Variants in CPSF4 observed in about 807,000 individuals in gnomAD.
The protein encoded by CPSF4 is cleavage and polyadenylation specific factor 4.
Under a neutral mutation model 37.7 loss-of-function variants are expected in CPSF4, and 11 were observed. The observed-to-expected ratio is 0.29, with a 90% CI of 0.18 to 0.48. CPSF4 has a LOEUF of 0.48. Among genes scored for constraint, CPSF4 ranks in the 20% least tolerant of loss-of-function variants. CPSF4 has a pLI of 0.99. For missense variants in CPSF4, 144 were observed against 359.5 expected (o/e 0.40, Z 4.85); for synonymous variants, 132 against 135.9 (o/e 0.97, Z 0.20).
At chr7:99,440,674 A>ATATATGTTTTTTTTTT in intron 1 of CPSF4, among the ~76,000 whole-genome samples, 8 of 88,088 alleles carry the variant, frequency 9.1e-5, no homozygotes, top group South Asian at 4.3e-4. Flanking sequence ...ATATATATAT[A>ATATATGTTTTTTTTTT]TTTTTTTTTT....
intron 2 of CPSF4, among the ~76,000 whole-genome samples, chr7:99,446,395 C>T (rs1276244515): frequency 6.6e-6 from 1 of 152,178 alleles, no homozygotes; most frequent in African/African-American, 2.4e-5. Flanking sequence ...GCTCAGTAGT[C>T]ACATGGGGCT....
At position 99,451,411 on chromosome 7, in the gene CPSF4, C is replaced by T. The variant is rs1477227078; in HGVS notation, c.497+616C>T. Among the ~76,000 whole-genome samples the T allele has an allele frequency of 2.6e-5, 4 of 152,162 alleles. No homozygotes were observed. In the South Asian group the frequency reaches 8.3e-4, roughly 32 times the overall value. On this transcript the variant is annotated intron_variant, in intron 5 of 7. Coordinates refer to ENST00000292476, the MANE Select transcript of CPSF4 (RefSeq NM_006693.4). The stretch of plus-strand genomic sequence containing the variant: ...CACGAGGTCAGGAGTTCGAGACTAG[C>T]CTGGCCAATATGGTGAAACCCCGTC...
At chr7:99,444,717 CCACT>C (rs1423773732) in intron 1 of CPSF4, 68 bp from the exon 2 acceptor site, 6 of 1,440,886 alleles carry the variant, frequency 4.2e-6, no homozygotes, top group African/African-American at 2.8e-5. Context: ...GGGTTCCCTC[CCACT>C]GTCTTCAGAC....
chr7:99,445,608 GCGTGGTGGCTTA>G (rs1163391435), intron 2 of CPSF4, among the ~76,000 whole-genome samples: 1 of 152,186 alleles, frequency 6.6e-6, no homozygotes, highest in African/African-American at 2.4e-5. Flanking sequence ...TAGGGGTCAG[GCGTGGTGGCTTA>G]CGCCTGTAAT....
intron 1 of CPSF4, among the ~76,000 whole-genome samples, chr7:99,443,735 A>G (rs775677978): frequency 6.6e-6 from 1 of 152,104 alleles, no homozygotes; most frequent in Non-Finnish European, 1.5e-5. Flanking sequence ...CCTGGCCAAC[A>G]TGGCAAAACC....
In CPSF4 at chr7:99,448,302, G is replaced by C; in HGVS notation, c.307+29G>C. On this transcript the variant is annotated intron_variant, in intron 3 of 7. Coordinates refer to ENST00000292476, the MANE Select transcript of CPSF4 (RefSeq NM_006693.4). This position sits in a 1 kb window ranked among gnomAD's most constrained non-coding sequence, Gnocchi z 4.4. ...AGGCGCCTGGAGCCCTGGAGGCTCT[G>C]CTGAGAACCAGGGTGCAGAGGGGTC... 1 of 1,612,574 alleles carries C rather than the reference G, an allele frequency of 6.2e-7. No individual in the cohort carries two copies. Among genetic ancestry groups the C allele is most frequent in the Non-Finnish European group, 8.5e-7 (1 of 1,179,222 alleles).
chr7:99,456,247 C>T (rs1040447913), intron 7 of CPSF4, 185 bp from the exon 8 acceptor site: 5 of 624,540 alleles, frequency 8.0e-6, no homozygotes, highest in Non-Finnish European at 1.4e-5. Flanking sequence ...CTGCACTTTC[C>T]ATCCTGAGCT....
At position 99,448,457 on chromosome 7, in the gene CPSF4, C is replaced by T. The variant is rs1275996433; in HGVS notation, c.307+184C>T. ...GACAGTGTGGCTATTTTCTGCTCAT[C>T]TCTTTTTTTTTTTTTTTTTTTTTAA... is the stretch of plus-strand genomic sequence containing the variant. On this transcript the variant is annotated intron_variant, in intron 3 of 7. Coordinates refer to ENST00000292476, the MANE Select transcript of CPSF4 (RefSeq NM_006693.4). This position sits in a 1 kb window ranked among gnomAD's most constrained non-coding sequence, Gnocchi z 4.4. 4 of 445,702 alleles carry T rather than the reference C, an allele frequency of 9.0e-6. No homozygotes were observed. Among genetic ancestry groups the T allele is most frequent in the Non-Finnish European group, 1.2e-5 (3 of 253,992 alleles). The allele number at this position is 445,702 out of a possible 1,614,324, so 27.6% of individuals were successfully genotyped here.
chr7:99,448,417 A>G lies in CPSF4; in HGVS notation c.307+144A>G. On this transcript the variant is annotated intron_variant, in intron 3 of 7. Coordinates refer to ENST00000292476, the MANE Select transcript of CPSF4 (RefSeq NM_006693.4). This position sits in a 1 kb window ranked among gnomAD's most constrained non-coding sequence, Gnocchi z 4.4. ...AACTCTGGCAGAACCTGCCAGCCTC[A>G]GCCAGCTTTTAGGGGACAGTGTGGC... 1.2e-6 allele frequency: 1 copy of G among 827,898 alleles called. No homozygotes were observed. Among genetic ancestry groups the G allele is most frequent in the Non-Finnish European group, 1.8e-6 (1 of 558,390 alleles). 51.3% of individuals were successfully genotyped at this position (827,898 alleles called of 1,614,324 possible).
In CPSF4 at chr7:99,450,170, G is replaced by A. The variant is rs533655442; in HGVS notation, c.308-106G>A. The A allele has an allele frequency of 6.3e-6, 5 of 787,512 alleles. No homozygotes were observed. In the East Asian group the frequency reaches 1.3e-4, roughly 21 times the overall value. The allele number at this position is 787,512 out of a possible 1,614,324, so 48.8% of individuals were successfully genotyped here. A position where few individuals can be genotyped will look rare whatever the true frequency, so the allele number is the denominator to read the frequency against. ...GAAACACTCTTCCCTGGCTCTCAGGGCTCGTCAGGCCAAAACTGGACACCA... is the reference window on the plus strand; with the variant it reads ...GAAACACTCTTCCCTGGCTCTCAGGACTCGTCAGGCCAAAACTGGACACCA... On this transcript the variant is annotated intron_variant, in intron 3 of 7. Coordinates refer to ENST00000292476, the MANE Select transcript of CPSF4 (RefSeq NM_006693.4).
Position 99,453,853 on chromosome 7 carries a change from C to A in CPSF4, c.571-113C>A, listed in dbSNP as rs1454057487. ...GTCCTGAGGTGGGCCGTCGTGGAAG[C>A]CCTGCTTCCTGCCGTTTGCGGGACG... On this transcript the variant is annotated intron_variant, in intron 6 of 7. Transcript: ENST00000292476. The surrounding 1 kb of genome is among the most constrained non-coding windows in gnomAD (Gnocchi z 4.7). 2 of 988,692 alleles carry A rather than the reference C, an allele frequency of 2.0e-6. No individual in the cohort carries two copies. Among genetic ancestry groups the A allele is most frequent in the Admixed American group, 2.1e-5 (1 of 47,302 alleles). 61.2% of individuals were successfully genotyped at this position (988,692 alleles called of 1,614,324 possible).
In CPSF4 at chr7:99,448,097, A is replaced by T. The variant is rs950695953; in HGVS notation, c.155-24A>T. ...GGCTCAGGGTGGCCTCTCTGCTGAC[A>T]CCCTGTCCCTATCTTGCCGGCAGGG... is the stretch of plus-strand genomic sequence containing the variant. On this transcript the variant is annotated intron_variant, in intron 2 of 7. Transcript: ENST00000292476. The surrounding 1 kb of genome is among the most constrained non-coding windows in gnomAD (Gnocchi z 4.4). The T allele has an allele frequency of 1.9e-6, 3 of 1,612,156 alleles. No individual in the cohort carries two copies. Among genetic ancestry groups the T allele is most frequent in the Non-Finnish European group, 2.5e-6 (3 of 1,179,176 alleles).
At position 99,448,451 on chromosome 7, in the gene CPSF4, G is replaced by T; in HGVS notation, c.307+178G>T. ...TTAGGGGACAGTGTGGCTATTTTCT[G>T]CTCATCTCTTTTTTTTTTTTTTTTT... On this transcript the variant is annotated intron_variant, in intron 3 of 7. Transcript: ENST00000292476. The surrounding 1 kb of genome is among the most constrained non-coding windows in gnomAD (Gnocchi z 4.4). The T allele has an allele frequency of 3.0e-5, 15 of 506,844 alleles. No homozygotes were observed. The highest frequency in any genetic ancestry group is 5.3e-4 in the Middle Eastern group (1 of 1,886). 31.4% of individuals were successfully genotyped at this position (506,844 alleles called of 1,614,324 possible).
At chr7:99,447,998 G>A in intron 2 of CPSF4, 123 bp from the exon 3 acceptor site, 1 of 878,420 alleles carries the variant, frequency 1.1e-6, no homozygotes, top group Non-Finnish European at 1.8e-6. Flanking sequence ...CCCCTTTCCA[G>A]GACGTGATGC....
At chr7:99,452,507 C>T in intron 6 of CPSF4, 67 bp downstream of exon 6, 1 of 1,429,408 alleles carries the variant, frequency 7.0e-7, no homozygotes, top group Non-Finnish European at 9.9e-7. Flanking sequence ...TCAGTGTCCC[C>T]CAGGGGTGTG....
intron 2 of CPSF4, among the ~76,000 whole-genome samples, chr7:99,445,652 G>C (rs989343050): frequency 9.2e-5 from 14 of 152,194 alleles, no homozygotes; most frequent in African/African-American, 3.4e-4. Context: ...GGGAGGCCGA[G>C]GTGGATGGAT....
Position 99,444,851 on chromosome 7 carries a change from C to T in CPSF4, c.154+12C>T, listed in dbSNP as rs750461703. Reference sequence around the variant, plus strand: ...TGCCTGCGGCAAAGGTAAGAAACTCCGGGCTCCCTGATGTGCCTCCGGAGG... The same window carrying T: ...TGCCTGCGGCAAAGGTAAGAAACTCTGGGCTCCCTGATGTGCCTCCGGAGG... On this transcript the variant is annotated intron_variant, in intron 2 of 7. Coordinates refer to ENST00000292476, the MANE Select transcript of CPSF4 (RefSeq NM_006693.4). 18 of 1,612,916 alleles carry T rather than the reference C, an allele frequency of 1.1e-5. No individual in the cohort carries two copies. The highest frequency in any genetic ancestry group is 9.9e-5 in the South Asian group (9 of 91,052).
chr7:99,443,105 G>T, intron 1 of CPSF4: 1 of 866,232 alleles, frequency 1.2e-6, no homozygotes, highest in Non-Finnish European at 2.0e-6. Context: ...TCAGATGACA[G>T]ACTTTTGTTG....
rs1798081101 is a variant in CPSF4 at position 99,453,559 on chromosome 7, T to C, written c.571-407T>C. ...CTCTCAGCCCGAGAACGCAGCTCAG[T>C]GTGTCAGGCTCCAACTGTTTTTCTG... On this transcript the variant is annotated intron_variant, in intron 6 of 7. Transcript: ENST00000292476. This position sits in a 1 kb window ranked among gnomAD's most constrained non-coding sequence, Gnocchi z 4.7. 6.3e-6 allele frequency: 1 copy of C among 158,422 alleles called. No homozygotes were observed. Among genetic ancestry groups the C allele is most frequent in the Non-Finnish European group, 1.4e-5 (1 of 72,442 alleles). The allele number at this position is 158,422 out of a possible 1,614,324, so 9.8% of individuals were successfully genotyped here.
Sources: gnomAD v4.1 joint callset for allele counts (sites outside exome capture counted in the v4.1 genomes callset) on GRCh38, gnomAD v4.1.1 for gene constraint, Gnocchi (gnomAD v3.1) non-coding constraint, MANE v1.5 for transcripts, NCBI Gene and HGNC (gene_info 2026-07-23, HGNC 2026-07-21) for gene names.